FAM234B: variants seen among roughly 807,000 people sequenced by gnomAD.
The protein encoded by FAM234B is family with sequence similarity 234 member B.
A neutral mutation model predicts 69.3 loss-of-function variants in FAM234B; 33 were observed. That is an observed-to-expected ratio of 0.48 (90% CI 0.36 to 0.64). The LOEUF is 0.64. FAM234B is among the 30% of genes least tolerant of loss of function. The probability of loss-of-function intolerance (pLI) is 0.00; values close to 1 mark genes in which losing one functional copy is unlikely to be tolerated. For synonymous variants in FAM234B, 306 were observed against 306.9 expected, an observed-to-expected ratio of 1.00 and a Z score of 0.03; for missense variants, 697 against 769.7, an observed-to-expected ratio of 0.91 and a Z score of 1.12.
chr12:13,066,128 A>G (rs1281669887), intron 5 of FAM234B, among the ~76,000 whole-genome samples: 1 of 152,234 alleles, frequency 6.6e-6, no homozygotes, highest in Non-Finnish European at 1.5e-5. Context: ...GAGATCATCT[A>G]GCTGGCAAAG....
Position 13,055,868 on chromosome 12 carries a change from C to T in FAM234B, c.355C>T (p.Leu119Phe). ...LTLGISMILV[L>F]LCAFLIPCPP... ...TTTGGGGATCTCGATGATCCTGGTG[C>T]TCCTGTGTGCTTTCCTGATCCCCTG... The change falls in exon 2 of 13, where the codon CTC becomes TTC. Residue 119 changes from leucine to phenylalanine, a missense_variant. Physicochemically the swap from Leu to Phe is conservative, Grantham distance 22. Transcript: ENST00000197268. The T allele has an allele frequency of 1.9e-6, 3 of 1,613,694 alleles. No individual in the cohort carries two copies. The highest frequency in any genetic ancestry group is 1.1e-5 in the South Asian group (1 of 91,000).
rs1865105111 is a variant in FAM234B, at chr12:13,071,379, G to A, written c.1507G>A (p.Ala503Thr). The change falls in exon 10 of 13, where the codon GCT becomes ACT. Residue 503 changes from alanine to threonine, a missense_variant. Ala to Thr is a moderately conservative substitution (Grantham distance 58). Coordinates refer to ENST00000197268, the MANE Select transcript of FAM234B (RefSeq NM_020853.2). ...VFLFWAEGLS[A>T]ASPNSDIILG... ...CCTCTTCTGGGCCGAAGGGCTGTCA[G>A]CTGCATCTCCCAATTCCGTGAGTGA... 6.2e-7 allele frequency: 1 copy of A among 1,614,158 alleles called. No homozygotes were observed. Among genetic ancestry groups the A allele is most frequent in the Admixed American group, 1.7e-5 (1 of 60,014 alleles).
intron 1 of FAM234B, among the ~76,000 whole-genome samples, chr12:13,048,746 T>G (rs1381064423): frequency 6.6e-6 from 1 of 152,228 alleles, no homozygotes; most frequent in Non-Finnish European, 1.5e-5. Flanking sequence ...GTTTTCACAC[T>G]GCTGATAAAG....
At position 13,068,665 on chromosome 12, in the gene FAM234B, C is replaced by T. The variant is rs1865068445; in HGVS notation, c.1322C>T (p.Thr441Ile). The change falls in exon 9 of 13, where the codon ACA (threonine) becomes ATA (isoleucine). Residue 441 changes from threonine to isoleucine, a missense_variant. Transcript: ENST00000197268. ...CCTGGATATTTCACTGATGATCAGA[C>T]ATTAGATTTCCTTCTGCAGATACAG... ...PTPGYFTDDQ[T>I]LDFLLQIQDG... is the part of the protein sequence containing the mutation. The T allele has an allele frequency of 1.2e-6, 2 of 1,612,904 alleles. No individual in the cohort carries two copies. Among genetic ancestry groups the T allele is most frequent in the South Asian group, 1.1e-5 (1 of 90,988 alleles).
intron 2 of FAM234B, among the ~76,000 whole-genome samples, chr12:13,058,091 T>C (rs896145056): frequency 6.6e-6 from 1 of 152,156 alleles, no homozygotes; most frequent in Non-Finnish European, 1.5e-5. Flanking sequence ...CAGCCTTTTC[T>C]GGGGCTTTTT....
At chr12:13,070,494 G>A (rs1229256616) in intron 9 of FAM234B, among the ~76,000 whole-genome samples, 1 of 152,110 alleles carries the variant, frequency 6.6e-6, no homozygotes, top group Admixed American at 6.5e-5. Flanking sequence ...ACACTGAGCA[G>A]GAGGGAGTAA....
At position 13,061,732 on chromosome 12, in the gene FAM234B, C is replaced by G; in HGVS notation, c.690C>G (p.His230Gln). ...AETICLVTGT[H>Q]KMLSAFNATS... Reference sequence around the variant, plus strand: ...CCATCTGCCTTGTGACAGGGACACACAAGATGCTCAGCGCATTCAATGCAA... The same window carrying G: ...CCATCTGCCTTGTGACAGGGACACAGAAGATGCTCAGCGCATTCAATGCAA... The change falls in exon 4 of 13, where the codon CAC becomes CAG. Residue 230 changes from histidine to glutamine, a missense_variant. His to Gln is a conservative substitution (Grantham distance 24). This residue lies in a region of FAM234B where 380 missense variants were observed against 447.1 expected (regional missense o/e 0.85). Coordinates refer to ENST00000197268, the MANE Select transcript of FAM234B (RefSeq NM_020853.2). 1 of 1,614,068 alleles carries G rather than the reference C, an allele frequency of 6.2e-7. No homozygotes were observed. The highest frequency in any genetic ancestry group is 1.3e-5 in the African/African-American group (1 of 75,016).
At chr12:13,045,449 G>T (rs1864797306) in intron 1 of FAM234B, among the ~76,000 whole-genome samples, 1 of 152,166 alleles carries the variant, frequency 6.6e-6, no homozygotes, top group South Asian at 2.1e-4. Flanking sequence ...CTCTAGAGAG[G>T]GCTATTTGGG....
At chr12:13,076,630 AG>A (rs926562177) in intron 11 of FAM234B, among the ~76,000 whole-genome samples, 2 of 152,254 alleles carry the variant, frequency 1.3e-5, no homozygotes, top group Admixed American at 1.3e-4. Flanking sequence ...TAGAAATTGG[AG>A]AAAGAAGAAA....
chr12:13,069,474 C>G (rs1002077677), intron 9 of FAM234B, among the ~76,000 whole-genome samples: 1 of 152,122 alleles, frequency 6.6e-6, no homozygotes, highest in African/African-American at 2.4e-5. Context: ...AACTTCTATG[C>G]TGAATGCTGG....
Position 13,067,160 on chromosome 12 carries a change from A to T in FAM234B, c.1006A>T (p.Ile336Leu). 6.2e-7 allele frequency: 1 copy of T among 1,614,016 alleles called. No homozygotes were observed. The highest frequency in any genetic ancestry group is 8.5e-7 in the Non-Finnish European group (1 of 1,179,894). ...TGGTTCTTCTGTGGTGCTAGGAAAT[A>T]TACAAGCTGTCGCACTGCGGGACAT... ...AVYILFGFGNIQAVALRDIFV... is the reference protein window; with the variant it reads ...AVYILFGFGNLQAVALRDIFV... The change falls in exon 7 of 13, where the codon ATA (isoleucine) becomes TTA (leucine). Residue 336 changes from isoleucine to leucine, a missense_variant. Around this residue, in one of 3 missense-constraint regions of FAM234B, gnomAD observed 380 missense variants for 447.1 expected, o/e 0.85. Transcript: ENST00000197268. The surrounding 1 kb of genome is among the most constrained non-coding windows in gnomAD (Gnocchi z 4.7).
At chr12:13,071,061 G>C (rs531135458) in intron 9 of FAM234B, among the ~76,000 whole-genome samples, 180 bp from the exon 10 acceptor site, 1 of 152,342 alleles carries the variant, frequency 6.6e-6, no homozygotes, top group African/African-American at 2.4e-5. Context: ...GCAGAAGCCT[G>C]GGGCCTGGTC....
At position 13,066,774 on chromosome 12, in the gene FAM234B, C is replaced by A; in HGVS notation, c.987C>A (p.Ile329=). 1 of 1,612,876 alleles carries A rather than the reference C, an allele frequency of 6.2e-7. No homozygotes were observed. Among genetic ancestry groups the A allele is most frequent in the African/African-American group, 1.3e-5 (1 of 74,964 alleles). ...TCACCACAAATGGGGCTGTCTACAT[C>A]CTGTTTGGCTTTGGTAAGAAGCAAG... is the stretch of plus-strand genomic sequence containing the variant. The part of the protein sequence containing the change: ...VYITTNGAVY[I]LFGFGNIQAV... The change falls in exon 6 of 13, where the codon ATC becomes ATA. Residue 329 remains isoleucine, a synonymous_variant. Transcript: ENST00000197268.
intron 1 of FAM234B, among the ~76,000 whole-genome samples, chr12:13,045,210 G>GT (rs1591593641): frequency 7.0e-6 from 1 of 142,486 alleles, no homozygotes; most frequent in Non-Finnish European, 1.5e-5. Context: ...GCAGCTCCAA[G>GT]TTTTTTTTCC....
intron 2 of FAM234B, 36 bp from the exon 3 acceptor site, chr12:13,058,415 G>T (rs760717580): frequency 6.4e-7 from 1 of 1,568,428 alleles, no homozygotes; most frequent in Non-Finnish European, 8.8e-7. Flanking sequence ...GTGGTAACTT[G>T]CTCAGGACCT....
chr12:13,076,480 C>T (rs559756213), intron 11 of FAM234B, among the ~76,000 whole-genome samples: 1 of 152,280 alleles, frequency 6.6e-6, no homozygotes, highest in Admixed American at 6.5e-5. Context: ...GGTGCTGGGA[C>T]TACAAATAAG....
At chr12:13,073,331 G>A (rs1345452808) in intron 10 of FAM234B, among the ~76,000 whole-genome samples, 1 of 152,050 alleles carries the variant, frequency 6.6e-6, no homozygotes, top group African/African-American at 2.4e-5. Context: ...TCAACATAAT[G>A]TGCATTTCTT....
intron 3 of FAM234B, among the ~76,000 whole-genome samples, chr12:13,060,665 T>A (rs1332743858): frequency 2.6e-5 from 4 of 152,210 alleles, no homozygotes; most frequent in Non-Finnish European, 5.9e-5. Context: ...GTATATTCAA[T>A]TAGTCGTGCT....
chr12:13,066,601 G>T (rs1865039210), intron 5 of FAM234B, 39 bp from the exon 6 acceptor site: 2 of 1,577,568 alleles, frequency 1.3e-6, no homozygotes, highest in South Asian at 2.4e-5. Flanking sequence ...CAAACGATAG[G>T]GCTTCTATTG....
Sources: allele counts gnomAD v4.1 joint callset (sites outside exome capture counted in the v4.1 genomes callset), GRCh38; gene constraint gnomAD v4.1.1; regional missense constraint gnomAD v4.1.1; non-coding constraint Gnocchi (gnomAD v3.1); transcripts MANE v1.5; gene names NCBI Gene and HGNC (gene_info 2026-07-23, HGNC 2026-07-21).